Variants in ZNF71 observed in about 807,000 individuals in gnomAD.
ZNF71 encodes zinc finger protein 71.
Under a neutral mutation model 6.7 loss-of-function variants are expected in ZNF71, and 3 were observed. That is an observed-to-expected ratio of 0.45 (90% CI 0.20 to 1.16). The LOEUF (loss-of-function observed/expected upper bound fraction) is 1.16, where lower values mean the gene tolerates loss of function less well. Ranked by LOEUF, ZNF71 falls within the 50% of genes most tolerant of loss-of-function variation. ZNF71 has a pLI of 0.25. For missense variants in ZNF71, 688 were observed against 728.6 expected (o/e 0.94, Z 0.64); for synonymous variants, 343 against 311.1 (o/e 1.10, Z -1.08).
At position 56,595,368 on chromosome 19, in the gene ZNF71, CG is replaced by C; in HGVS notation, c.-108del. 1 of 153,178 alleles carries C rather than the reference CG, an allele frequency of 6.5e-6. No homozygotes were observed. The allele number at this position is 153,178 out of a possible 1,614,324, so 9.5% of individuals were successfully genotyped here. On this transcript the variant is annotated 5_prime_UTR_variant, in exon 1 of 4. Coordinates refer to ENST00000599599, the MANE Select transcript of ZNF71 (RefSeq NM_001370215.1). ...GGTCGCGCCCACCCTCTACCTGTGCCGGGGGCCGGAACCTGGCCCCGGGGAG... is the reference window on the plus strand; with the variant it reads ...GGTCGCGCCCACCCTCTACCTGTGCCGGGGCCGGAACCTGGCCCCGGGGAG...
chr19:56,620,482 T>C (rs1277157529), intron 3 of ZNF71, among the ~76,000 whole-genome samples: 5 of 152,200 alleles, frequency 3.3e-5, no homozygotes, highest in African/African-American at 4.8e-5. Flanking sequence ...ATATAAATGC[T>C]AGCTATTTAT....
chr19:56,623,008 C>T lies in ZNF71; in HGVS notation c.*251C>T, dbSNP rs1415893663. 8 of 554,330 alleles carry T rather than the reference C, an allele frequency of 1.4e-5. No homozygotes were observed. Among genetic ancestry groups the T allele is most frequent in the Non-Finnish European group, 2.3e-5 (7 of 308,792 alleles). The allele number at this position is 554,330 out of a possible 1,614,324, so 34.3% of individuals were successfully genotyped here. A position where few individuals can be genotyped will look rare whatever the true frequency, so the allele number is the denominator to read the frequency against. On this transcript the variant is annotated 3_prime_UTR_variant, in exon 4 of 4. Coordinates refer to ENST00000599599, the MANE Select transcript of ZNF71 (RefSeq NM_001370215.1). ...AGGTTCACTGTAGCTGAGCCATGGCCGCTGGTAACAGACATCAGGGTTCCA... is the reference window on the plus strand; with the variant it reads ...AGGTTCACTGTAGCTGAGCCATGGCTGCTGGTAACAGACATCAGGGTTCCA...
At chr19:56,604,663 G>A (rs532045912) in intron 2 of ZNF71, among the ~76,000 whole-genome samples, 1 of 152,302 alleles carries the variant, frequency 6.6e-6, no homozygotes, top group Non-Finnish European at 1.5e-5. Context: ...GTTGCAGAGT[G>A]TGGTTCCTGA....
At chr19:56,605,595 C>G (rs2044704921) in intron 2 of ZNF71, among the ~76,000 whole-genome samples, 1 of 152,190 alleles carries the variant, frequency 6.6e-6, no homozygotes, top group Non-Finnish European at 1.5e-5. Flanking sequence ...ATAACTGGAT[C>G]AGAAATTTAA....
chr19:56,601,205 G>T (rs1033844291), intron 1 of ZNF71, among the ~76,000 whole-genome samples: 10 of 152,146 alleles, frequency 6.6e-5, no homozygotes, highest in African/African-American at 2.2e-4. Flanking sequence ...CCTGACTCCA[G>T]TCCCAGCTCT....
In ZNF71 at chr19:56,601,499, C is replaced by T. The variant is rs1449659454; in HGVS notation, c.-52-8C>T. On this transcript the variant is annotated splice_polypyrimidine_tract_variant and splice_region_variant and intron_variant, in intron 1 of 3. Coordinates refer to ENST00000599599, the MANE Select transcript of ZNF71 (RefSeq NM_001370215.1). Reference sequence around the variant, plus strand: ...CTCAGCATGCCTCCCTCTTTCTTCTCCCTACAGCACTGTTGGTCACCGCAG... The same window carrying T: ...CTCAGCATGCCTCCCTCTTTCTTCTTCCTACAGCACTGTTGGTCACCGCAG... 8.1e-6 allele frequency: 8 copies of T among 982,412 alleles called. No individual in the cohort carries two copies. The highest frequency in any genetic ancestry group is 9.7e-6 in the Non-Finnish European group (8 of 827,098). The allele number at this position is 982,412 out of a possible 1,614,324, so 60.9% of individuals were successfully genotyped here.
intron 1 of ZNF71, among the ~76,000 whole-genome samples, chr19:56,597,726 T>G (rs1427946307): frequency 2.5e-5 from 2 of 81,612 alleles, no homozygotes; most frequent in African/African-American, 6.3e-5. Flanking sequence ...TTTTCAGGGT[T>G]TTTTTTTGCC....
In ZNF71 at chr19:56,598,059, G is replaced by A. The variant is rs2044639261; in HGVS notation, c.-53+2631G>A. On this transcript the variant is annotated intron_variant, in intron 1 of 3. Transcript: ENST00000599599. The surrounding 1 kb of genome is among the most constrained non-coding windows in gnomAD (Gnocchi z 4.2). ...AAGTGATCATCCCTGCTCCCTGGGGGCTTCTGTTCTCATGGAGGGAAGACA... is the reference window on the plus strand; with the variant it reads ...AAGTGATCATCCCTGCTCCCTGGGGACTTCTGTTCTCATGGAGGGAAGACA... 6.6e-6 allele frequency among the ~76,000 whole-genome samples: 1 copy of A among 152,186 alleles called. No individual in the cohort carries two copies.
intron 1 of ZNF71, among the ~76,000 whole-genome samples, chr19:56,600,010 T>C (rs2044655636): frequency 6.6e-6 from 1 of 151,882 alleles, no homozygotes; most frequent in African/African-American, 2.4e-5. Context: ...ATTAAATTAT[T>C]ATTGATCATA....
At chr19:56,606,900 G>C (rs2148009093) in intron 2 of ZNF71, among the ~76,000 whole-genome samples, 1 of 152,210 alleles carries the variant, frequency 6.6e-6, no homozygotes, top group Middle Eastern at 3.4e-3. Context: ...CCTAAGGCCA[G>C]CCCACATTCA....
chr19:56,616,364 A>T (rs972552101), intron 3 of ZNF71, among the ~76,000 whole-genome samples: 1 of 152,164 alleles, frequency 6.6e-6, no homozygotes, highest in Non-Finnish European at 1.5e-5. Context: ...TCCAATTCTG[A>T]ATCCTGTTCT....
intron 2 of ZNF71, among the ~76,000 whole-genome samples, chr19:56,611,453 C>T (rs1032781737): frequency 3.3e-5 from 5 of 152,248 alleles, no homozygotes; most frequent in African/African-American, 1.2e-4. Flanking sequence ...TTTCTTTTAT[C>T]TCTACCTTCC....
Position 56,622,627 on chromosome 19 carries a change from T to G in ZNF71, c.1520T>G (p.Phe507Cys). ...AGGTGCGGCCAGTGCGGGAAGTCCT[T>G]CATCAAGAACTCCTCCCTCACTGTG... ...PYRCGQCGKS[F>C]IKNSSLTVHQ... Residue 507 changes from phenylalanine (F) to cysteine (C), a missense_variant, in exon 4 of 4, where the codon TTC becomes TGC. Transcript: ENST00000599599. 2 of 1,613,912 alleles carry G rather than the reference T, an allele frequency of 1.2e-6. No homozygotes were observed. The highest frequency in any genetic ancestry group is 2.2e-5 in the East Asian group (1 of 44,854).
chr19:56,619,225 T>C (rs2044823059), intron 3 of ZNF71, among the ~76,000 whole-genome samples: 1 of 152,096 alleles, frequency 6.6e-6, no homozygotes, highest in Non-Finnish European at 1.5e-5. Context: ...CTTAAGGACA[T>C]TGATGTTGTT....
intron 3 of ZNF71, among the ~76,000 whole-genome samples, chr19:56,616,795 A>G (rs972032067): frequency 6.6e-6 from 1 of 151,964 alleles, no homozygotes; most frequent in Non-Finnish European, 1.5e-5. Context: ...CTGTACCTCA[A>G]TTTACCTTTC....
chr19:56,621,998 G>C lies in ZNF71; in HGVS notation c.891G>C (p.Thr297=), dbSNP rs373155014. The C allele has an allele frequency of 1.3e-5, 21 of 1,605,404 alleles. No individual in the cohort carries two copies. The highest frequency in any genetic ancestry group is 1.7e-5 in the Non-Finnish European group (20 of 1,178,058). Residue 297 remains threonine, a synonymous_variant, in exon 4 of 4, where the codon ACG becomes ACC. Transcript: ENST00000599599. ...SSLTQHERIH[T]GEKPYACGDC... ...TCACCCAGCACGAGCGGATCCACAC[G>C]GGGGAGAAGCCCTACGCGTGCGGGG...
intron 3 of ZNF71, among the ~76,000 whole-genome samples, chr19:56,620,684 A>G (rs1323958257): frequency 6.6e-6 from 1 of 151,948 alleles, no homozygotes; most frequent in Non-Finnish European, 1.5e-5. Flanking sequence ...GGCATGTGCC[A>G]CCATGCCTGG....
Position 56,621,390 on chromosome 19 carries a change from T to G in ZNF71, c.283T>G (p.Ser95Ala), listed in dbSNP as rs1284260985. The G allele has an allele frequency of 9.9e-6, 16 of 1,609,100 alleles. No individual in the cohort carries two copies. The highest frequency in any genetic ancestry group is 1.2e-5 in the Non-Finnish European group (14 of 1,177,110). ...GAGGAATGGTGCCAGGGGTCCTGGC[T>G]CAGAAGGAGTGTGGGAACCAGGCAG... ...PTRNGARGPG[S>A]EGVWEPGSWP... The change falls in exon 4 of 4, where the codon TCA becomes GCA. Residue 95 changes from serine (S) to alanine (A), a missense_variant. Coordinates refer to ENST00000599599, the MANE Select transcript of ZNF71 (RefSeq NM_001370215.1).
At chr19:56,606,456 T>C (rs2044710794) in intron 2 of ZNF71, among the ~76,000 whole-genome samples, 1 of 152,226 alleles carries the variant, frequency 6.6e-6, no homozygotes, top group Non-Finnish European at 1.5e-5. Context: ...TCCAGTTATA[T>C]TTTGCTGGGT....
Sources: gnomAD v4.1 joint callset for allele counts (sites outside exome capture counted in the v4.1 genomes callset) on GRCh38, gnomAD v4.1.1 for gene constraint, Gnocchi (gnomAD v3.1) non-coding constraint, MANE v1.5 for transcripts, NCBI Gene and HGNC (gene_info 2026-07-23, HGNC 2026-07-21) for gene names.